KDELR1: variants seen among roughly 807,000 people sequenced by gnomAD.
KDELR1 encodes the protein KDEL endoplasmic reticulum protein retention receptor 1.
In KDELR1, 16 loss-of-function variants were observed where a neutral mutation model predicts 25.5. The ratio of observed to expected loss-of-function variants is 0.63; its 90% CI spans 0.43 to 0.95. KDELR1 has a LOEUF of 0.95. Ranked by LOEUF, KDELR1 falls within the 40% of genes least tolerant of loss-of-function variation. KDELR1 has a pLI of 0.00. For missense variants in KDELR1, 159 were observed against 265.2 expected (o/e 0.60, Z 2.78); for synonymous variants, 121 against 115.0 (o/e 1.05, Z -0.33).
chr19:48,396,898 C>T, the KDELR1 span, among the ~76,000 whole-genome samples: 4 of 152,102 alleles, frequency 2.6e-5, no homozygotes, highest in Non-Finnish European at 5.9e-5. Context: ...GCCCCTAGTG[C>T]GGACTCCAGT....
At chr19:48,394,041 T>C (rs1970599269), upstream of KDELR1, among the ~76,000 whole-genome samples, 1 of 151,888 alleles carries the variant, frequency 6.6e-6, no homozygotes, top group Admixed American at 6.6e-5. This position sits in a 1 kb window ranked among gnomAD's most constrained non-coding sequence, Gnocchi z 5.1. Flanking sequence ...CAAACCCAGA[T>C]GGATGGTGTG....
chr19:48,391,297 A>C lies in KDELR1; in HGVS notation c.62T>G (p.Leu21Arg). 1 of 1,558,576 alleles carries C rather than the reference A, an allele frequency of 6.4e-7. No homozygotes were observed. The highest frequency in any genetic ancestry group is 8.7e-7 in the Non-Finnish European group (1 of 1,150,924). ...SHLLAIILLL[L>R]KIWKSRSCAG... ...GCACGAGCGGGACTTCCAGATTTTG[A>C]GCAGTAGCAAGATGATGGCGAGGAG... is the stretch of plus-strand genomic sequence containing the variant. Residue 21 changes from leucine (L) to arginine (R), a missense_variant, in exon 1 of 5, where the codon CTC (leucine) becomes CGC (arginine). Transcript: ENST00000330720.
chr19:48,387,352 C>T (rs1970505085), intron 3 of KDELR1, among the ~76,000 whole-genome samples: 1 of 152,034 alleles, frequency 6.6e-6, no homozygotes, highest in Non-Finnish European at 1.5e-5. Flanking sequence ...AAGTCACCCT[C>T]TGTTGGATTT....
intron 4 of KDELR1, 49 bp from the exon 5 acceptor site, chr19:48,383,376 G>C: frequency 6.5e-7 from 1 of 1,528,976 alleles, no homozygotes; most frequent in Non-Finnish European, 8.9e-7. Flanking sequence ...GCCCCTGCAG[G>C]GAGGGGACAG....
intron 3 of KDELR1, among the ~76,000 whole-genome samples, chr19:48,386,155 C>G (rs1471021466): frequency 3.3e-5 from 5 of 151,630 alleles, no homozygotes; most frequent in Non-Finnish European, 1.5e-5. Flanking sequence ...CTCTTGTCAC[C>G]CAGGCTGGAG....
Position 48,391,378 on chromosome 19 carries a change from G to A in KDELR1, c.-20C>T. On this transcript the variant is annotated 5_prime_UTR_variant, in exon 1 of 5. Transcript: ENST00000330720. Reference sequence around the variant, plus strand: ...ATTCATGGCTGGGGAACCCTGGCAGGGCTGAGCGGGAGGGAGGCAGGCTGG... The same window carrying A: ...ATTCATGGCTGGGGAACCCTGGCAGAGCTGAGCGGGAGGGAGGCAGGCTGG... The A allele has an allele frequency of 6.5e-7, 1 of 1,545,902 alleles. No homozygotes were observed. The highest frequency in any genetic ancestry group is 2.0e-5 in the Admixed American group (1 of 51,024).
chr19:48,386,719 C>T (rs1354080536), intron 3 of KDELR1, among the ~76,000 whole-genome samples: 1 of 151,206 alleles, frequency 6.6e-6, no homozygotes, highest in African/African-American at 2.4e-5. Flanking sequence ...TCCCAAAGTG[C>T]TGGGATTCAG....
upstream of KDELR1, among the ~76,000 whole-genome samples, chr19:48,396,404 C>T (rs1325425252): frequency 2.6e-5 from 4 of 151,920 alleles, no homozygotes; most frequent in Admixed American, 6.5e-5. Context: ...GGGAGTGGGA[C>T]GCGGGGTCCC....
Position 48,384,498 on chromosome 19 carries a change from G to T in KDELR1, c.352-16C>A. ...TCCAGAGGATCTGCAGAGAGGCCGG[G>T]GACATGATGAGGTGGGAGGGGACAG... is the stretch of plus-strand genomic sequence containing the variant. On this transcript the variant is annotated splice_polypyrimidine_tract_variant and intron_variant, in intron 3 of 4. Coordinates refer to ENST00000330720, the MANE Select transcript of KDELR1 (RefSeq NM_006801.3). The surrounding 1 kb of genome is among the most constrained non-coding windows in gnomAD (Gnocchi z 4.6). 6.2e-7 allele frequency: 1 copy of T among 1,608,532 alleles called. No individual in the cohort carries two copies. The highest frequency in any genetic ancestry group is 8.5e-7 in the Non-Finnish European group (1 of 1,176,914).
chr19:48,394,867 G>T (rs1203102198), upstream of KDELR1: 2 of 153,430 alleles, frequency 1.3e-5, no homozygotes, highest in South Asian at 2.0e-4. This position sits in a 1 kb window ranked among gnomAD's most constrained non-coding sequence, Gnocchi z 5.1. Flanking sequence ...CGGAATCTTG[G>T]GGTCGCTGGA....
At chr19:48,395,306 C>T (rs1052566385), upstream of KDELR1, among the ~76,000 whole-genome samples, 2 of 151,678 alleles carry the variant, frequency 1.3e-5, no homozygotes, top group Non-Finnish European at 2.9e-5. Context: ...GGTCCTCTCC[C>T]TCTCTCCTCT....
intron 2 of KDELR1, 70 bp from the exon 3 acceptor site, chr19:48,389,781 G>A: frequency 2.6e-6 from 4 of 1,548,418 alleles, no homozygotes; most frequent in South Asian, 2.2e-5. Context: ...AGAGCCCGGA[G>A]TCCAGGCCCC....
rs1423839137 is a variant in KDELR1, at chr19:48,382,979, T to C, written c.*314A>G. 2.0e-5 allele frequency: 8 copies of C among 393,642 alleles called. No homozygotes were observed. Among genetic ancestry groups the C allele is most frequent in the African/African-American group, 4.2e-5 (2 of 47,870 alleles). The allele number at this position is 393,642 out of a possible 1,614,324, so 24.4% of individuals were successfully genotyped here. ...AGATCTTGGACCCTGCCCCGGCCCA[T>C]AGGACACTCAAAAACACTTTATAAA... On this transcript the variant is annotated 3_prime_UTR_variant, in exon 5 of 5. Coordinates refer to ENST00000330720, the MANE Select transcript of KDELR1 (RefSeq NM_006801.3).
rs11549474 is a variant in KDELR1, at chr19:48,391,347, G to A, written c.12C>T (p.Phe4=). 1 of 1,555,180 alleles carries A rather than the reference G, an allele frequency of 6.4e-7. No individual in the cohort carries two copies. Among genetic ancestry groups the A allele is most frequent in the South Asian group, 1.2e-5 (1 of 84,274 alleles). MNL[F]RFLGDLSHLL... is the part of the protein sequence containing the mutation. Reference sequence around the variant, plus strand: ...GGTGGGAGAGGTCTCCCAGGAATCGGAAGAGATTCATGGCTGGGGAACCCT... The same window carrying A: ...GGTGGGAGAGGTCTCCCAGGAATCGAAAGAGATTCATGGCTGGGGAACCCT... The change falls in exon 1 of 5, where the codon TTC becomes TTT. Residue 4 remains phenylalanine, a synonymous_variant. Transcript: ENST00000330720.
rs1970537364 is a variant in KDELR1 at position 48,390,531 on chromosome 19, T to C, written c.92-7A>G. The C allele has an allele frequency of 6.3e-6, 10 of 1,589,218 alleles. No individual in the cohort carries two copies. Among genetic ancestry groups the C allele is most frequent in the Non-Finnish European group, 6.9e-6 (8 of 1,162,884 alleles). On this transcript the variant is annotated splice_region_variant and splice_polypyrimidine_tract_variant and intron_variant, in intron 1 of 4. Coordinates refer to ENST00000330720, the MANE Select transcript of KDELR1 (RefSeq NM_006801.3). ...TGGCTCTTCCCTGAAATTCCTGTGG[T>C]CCAGAGACAGAGAAAGAGAGAGAGA...
upstream of KDELR1, among the ~76,000 whole-genome samples, chr19:48,394,379 C>T (rs962006017): frequency 9.3e-5 from 14 of 150,614 alleles, no homozygotes; most frequent in South Asian, 1.1e-3. This position sits in a 1 kb window ranked among gnomAD's most constrained non-coding sequence, Gnocchi z 5.1. Flanking sequence ...GGCAATCTCC[C>T]GCTCCTCACA....
chr19:48,394,257 C>T (rs1007969873), upstream of KDELR1, among the ~76,000 whole-genome samples: 1 of 151,500 alleles, frequency 6.6e-6, no homozygotes, highest in East Asian at 1.9e-4. The surrounding 1 kb of genome is among the most constrained non-coding windows in gnomAD (Gnocchi z 5.1). Context: ...GAAGTGAGAT[C>T]GTGCGTGTGT....
chr19:48,389,699 C>T lies in KDELR1; in HGVS notation c.205G>A (p.Ala69Thr). ...AACCAGACCGTGGTGAAGGAGCAGG[C>T]TATGTAGACCACCTGAGGAGGGGGA... ...YNTCMKVVYI[A>T]CSFTTVWLIY... The change falls in exon 3 of 5, where the codon GCC becomes ACC. Residue 69 changes from alanine to threonine, a missense_variant. Ala to Thr is a moderately conservative substitution (Grantham distance 58). Transcript: ENST00000330720. The T allele has an allele frequency of 1.9e-6, 3 of 1,614,026 alleles. No homozygotes were observed. The highest frequency in any genetic ancestry group is 2.5e-6 in the Non-Finnish European group (3 of 1,179,936).
rs1555890422 is a variant in KDELR1 at position 48,390,577 on chromosome 19, G to GAGAGAGAGAGAGAGAGAGAC, written c.92-54_92-53insGTCTCTCTCTCTCTCTCTCT. 601 of 980,136 alleles carry GAGAGAGAGAGAGAGAGAGAC rather than the reference G, an allele frequency of 6.1e-4. 2 individuals are homozygous for GAGAGAGAGAGAGAGAGAGAC. The highest frequency in any genetic ancestry group is 5.7e-3 in the African/African-American group (339 of 59,590). The allele number at this position is 980,136 out of a possible 1,614,324, so 60.7% of individuals were successfully genotyped here. A position where few individuals can be genotyped will look rare whatever the true frequency, so the allele number is the denominator to read the frequency against. ...AGAGAGAGAGACAGAGAGAGAGAGAGAGACAGACAGACAGACAGACAGACA... is the reference window on the plus strand; with the variant it reads ...AGAGAGAGAGACAGAGAGAGAGAGAGAGAGAGAGAGAGAGAGAGACAGACAGACAGACAGACAGACAGACA... On this transcript the variant is annotated intron_variant, in intron 1 of 4. Transcript: ENST00000330720.
Sources: allele counts gnomAD v4.1 joint callset (sites outside exome capture counted in the v4.1 genomes callset), GRCh38; gene constraint gnomAD v4.1.1; non-coding constraint Gnocchi (gnomAD v3.1); transcripts MANE v1.5; gene names NCBI Gene and HGNC (gene_info 2026-07-23, HGNC 2026-07-21).